TOR1A: variants seen among roughly 807,000 people sequenced by gnomAD.
TOR1A encodes the protein torsin family 1 member A.
A neutral mutation model predicts 31.4 loss-of-function variants in TOR1A; 18 were observed. The ratio of observed to expected loss-of-function variants is 0.57; its 90% CI spans 0.40 to 0.85. The LOEUF (loss-of-function observed/expected upper bound fraction) is 0.85. TOR1A is among the 40% of genes least tolerant of loss of function. The pLI is 0.00. For missense variants in TOR1A, 375 were observed against 416.4 expected (o/e 0.90, Z 0.87); for synonymous variants, 168 against 165.9 (o/e 1.01, Z -0.10).
chr9:129,821,127 A>T (rs1281951528), intron 2 of TOR1A, among the ~76,000 whole-genome samples: 3 of 151,808 alleles, frequency 2.0e-5, no homozygotes, highest in African/African-American at 7.3e-5. Context: ...ACAAGGTGAA[A>T]CCCTGTCTCT....
In TOR1A at chr9:129,822,779, G is replaced by A. The variant is rs2296793; in HGVS notation, c.246C>T (p.Ala82=). ...TTGGGTTGTTTATGAAACCAAACAC[G>A]GCATTTAAGATGATTTTCTTTGCAA... ...QHLAKKIILN[A]VFGFINNPKP... Residue 82 remains alanine (A), a synonymous_variant, in exon 2 of 5, where the codon GCC becomes GCT. Transcript: ENST00000351698. 0.24 allele frequency: 380,984 copies of A among 1,613,904 alleles called. 45,524 individuals are homozygous for A. Among genetic ancestry groups the A allele is most frequent in the East Asian group, 0.25 (11,301 of 44,872 alleles).
chr9:129,820,743 TGC>T (rs2031164531), intron 2 of TOR1A, among the ~76,000 whole-genome samples: 1 of 152,140 alleles, frequency 6.6e-6, no homozygotes, highest in East Asian at 1.9e-4. Context: ...TACAGGTGCA[TGC>T]CACCATGCCT....
In TOR1A at chr9:129,822,733, G is replaced by T. The variant is rs777308309; in HGVS notation, c.292C>A (p.Leu98Ile). The change falls in exon 2 of 5, where the codon CTC becomes ATC. Residue 98 changes from leucine to isoleucine, a missense_variant. By Grantham distance (5) the Leu-to-Ile change is conservative. Coordinates refer to ENST00000351698, the MANE Select transcript of TOR1A (RefSeq NM_000113.3). ...GTGCCTGTCCACCCGTGCAGGGAGA[G>T]CGTGAGAGGTTTCTTGGGCTTTGGG... is the stretch of plus-strand genomic sequence containing the variant. ...NNPKPKKPLT[L>I]SLHGWTGTGK... 4 of 1,614,238 alleles carry T rather than the reference G, an allele frequency of 2.5e-6. No homozygotes were observed. The South Asian group carries it at 4.4e-5, about 18-fold the overall frequency.
intron 2 of TOR1A, 64 bp downstream of exon 2, chr9:129,822,517 C>T: frequency 6.2e-7 from 1 of 1,604,724 alleles, no homozygotes; most frequent in South Asian, 1.1e-5. Flanking sequence ...CAAATCTCAT[C>T]CCACAACAAA....
chr9:129,823,409 T>G, intron 1 of TOR1A: 1 of 269,040 alleles, frequency 3.7e-6, no homozygotes, highest in Non-Finnish European at 7.3e-6. Context: ...GCTTCCGGGG[T>G]CCGGCCCCCG....
intron 2 of TOR1A, chr9:129,822,303 T>C (rs2131007098): frequency 4.1e-6 from 2 of 489,008 alleles, no homozygotes; most frequent in Non-Finnish European, 7.5e-6. Context: ...GTGAGATGTG[T>C]TGATCTCTAA....
chr9:129,816,011 C>T (rs535232299), intron 4 of TOR1A, among the ~76,000 whole-genome samples: 11 of 152,150 alleles, frequency 7.2e-5, no homozygotes. Flanking sequence ...GCCCAGGACC[C>T]TCCAGGCCTC....
intron 4 of TOR1A, among the ~76,000 whole-genome samples, chr9:129,817,369 GCT>G (rs1360068163): frequency 6.6e-6 from 1 of 152,138 alleles, no homozygotes; most frequent in Non-Finnish European, 1.5e-5. Flanking sequence ...TCAACCACTG[GCT>G]CTTTCTTCTA....
intron 4 of TOR1A, among the ~76,000 whole-genome samples, chr9:129,817,957 C>T (rs1336950370): frequency 6.6e-6 from 1 of 151,920 alleles, no homozygotes; most frequent in Non-Finnish European, 1.5e-5. Context: ...GTCAAGACTC[C>T]AGTGAGCTGA....
chr9:129,818,734 C>T lies in TOR1A; in HGVS notation c.620+11G>A, dbSNP rs372355843. The stretch of plus-strand genomic sequence containing the variant: ...CGGGGCCCATCCATCATGTCCTAGC[C>T]CTGACCTTACCTGAGAAATATGAAC... On this transcript the variant is annotated intron_variant, in intron 3 of 4. Coordinates refer to ENST00000351698, the MANE Select transcript of TOR1A (RefSeq NM_000113.3). The T allele has an allele frequency of 5.0e-6, 8 of 1,613,488 alleles. No homozygotes were observed. Among genetic ancestry groups the T allele is most frequent in the Non-Finnish European group, 6.8e-6 (8 of 1,180,038 alleles).
chr9:129,822,452 G>T, intron 2 of TOR1A, 129 bp downstream of exon 2: 1 of 1,284,134 alleles, frequency 7.8e-7, no homozygotes, highest in Non-Finnish European at 1.1e-6. Flanking sequence ...ACCTTTCCAA[G>T]GGGAACTGAG....
chr9:129,814,355 A>G (rs1453241533), intron 4 of TOR1A, 133 bp from the exon 5 acceptor site: 3 of 1,382,322 alleles, frequency 2.2e-6, no homozygotes, highest in Admixed American at 2.0e-5. Flanking sequence ...CATGCCACAC[A>G]CACCTACTGG....
chr9:129,823,281 C>G (rs2031234273), intron 1 of TOR1A: 5 of 315,836 alleles, frequency 1.6e-5, no homozygotes, highest in South Asian at 1.1e-4. Context: ...TGGTCCACCC[C>G]CAGCTTAGCG....
At position 129,813,563 on chromosome 9, in the gene TOR1A, ACAC is replaced by A. The variant is rs1052565690; in HGVS notation, c.*406_*408del. The A allele has an allele frequency of 2.3e-5, 7 of 306,192 alleles. No homozygotes were observed. The highest frequency in any genetic ancestry group is 1.5e-4 in the African/African-American group (7 of 45,512). 19.0% of individuals were successfully genotyped at this position (306,192 alleles called of 1,614,324 possible). A position where few individuals can be genotyped will look rare whatever the true frequency, so the allele number is the denominator to read the frequency against. ...GATGAGAACTTAAAAAAAAACACAC[ACAC>A]AAGGCCAACAACTTAGAATCTGAGC... On this transcript the variant is annotated 3_prime_UTR_variant, in exon 5 of 5. Coordinates refer to ENST00000351698, the MANE Select transcript of TOR1A (RefSeq NM_000113.3).
chr9:129,817,843 A>G (rs1368087216), intron 4 of TOR1A, among the ~76,000 whole-genome samples: 1 of 132,020 alleles, frequency 7.6e-6, no homozygotes, highest in Admixed American at 7.3e-5. Context: ...TCTACCAAAA[A>G]AAAAAAAAAA....
At chr9:129,821,701 C>T (rs952645110) in intron 2 of TOR1A, 8 of 152,096 alleles carry the variant, frequency 5.3e-5, no homozygotes, top group Non-Finnish European at 1.2e-4. Context: ...CGAGACCAGC[C>T]TGGCCAATGT....
At chr9:129,818,071 C>T (rs1244563272) in intron 4 of TOR1A, among the ~76,000 whole-genome samples, 1 of 151,774 alleles carries the variant, frequency 6.6e-6, no homozygotes, top group Non-Finnish European at 1.5e-5. Flanking sequence ...CTTTGGGAGG[C>T]CGAGGTGGGC....
At chr9:129,816,730 G>A (rs114640156) in intron 4 of TOR1A, among the ~76,000 whole-genome samples, 6,233 of 152,294 alleles carry the variant, frequency 0.041, 436 homozygotes, top group African/African-American at 0.14. Context: ...TCTAGGCCAC[G>A]GGGCTCATCT....
rs866492898 is a variant in TOR1A at position 129,818,782 on chromosome 9, C to A, written c.583G>T (p.Gly195Trp). 1 of 1,613,350 alleles carries A rather than the reference C, an allele frequency of 6.2e-7. No individual in the cohort carries two copies. Among genetic ancestry groups the A allele is most frequent in the Non-Finnish European group, 8.5e-7 (1 of 1,180,048 alleles). Residue 195 changes from glycine (G) to tryptophan (W), a missense_variant, in exon 3 of 5, where the codon GGG becomes TGG. Physicochemically the swap from Gly to Trp is radical, Grantham distance 184. Transcript: ENST00000351698. ...PFLDYYDLVD[G>W]VSYQKAMFIF... ...AACATGGCTTTCTGGTAGGAGACCC[C>A]ATCCACCAGGTCATAATAGTCGAGG...
Sources: allele counts gnomAD v4.1 joint callset (sites outside exome capture counted in the v4.1 genomes callset), GRCh38; gene constraint gnomAD v4.1.1; transcripts MANE v1.5; gene names NCBI Gene and HGNC (gene_info 2026-07-23, HGNC 2026-07-21).